The following ULK4 variants were observed in gnomAD, a reference collection of about 807,000 sequenced individuals.
ULK4 encodes unc-51 like kinase 4.
A neutral mutation model predicts 160.6 loss-of-function variants in ULK4; 133 were observed. The observed-to-expected ratio is 0.83, with a 90% CI of 0.72 to 0.96. ULK4 has a LOEUF of 0.96. Ranked by LOEUF, ULK4 falls within the 40% of genes least tolerant of loss-of-function variation. The pLI is 0.00. For missense variants in ULK4, 1,580 were observed against 1,499.5 expected (o/e 1.05, Z -0.89); for synonymous variants, 534 against 539.8 (o/e 0.99, Z 0.15).
At chr3:41,873,100 CA>C (rs1697162252) in intron 17 of ULK4, among the ~76,000 whole-genome samples, 2 of 152,070 alleles carry the variant, frequency 1.3e-5, no homozygotes, top group Non-Finnish European at 2.9e-5. Flanking sequence ...TGCAGTGAGC[CA>C]AGATCACGCC....
At chr3:41,856,495 T>A (rs1247760331) in intron 17 of ULK4, among the ~76,000 whole-genome samples, 1 of 119,654 alleles carries the variant, frequency 8.4e-6, no homozygotes, top group Non-Finnish European at 1.7e-5. Context: ...GAGGACACAT[T>A]AATAAATAAA....
chr3:41,582,220 C>A (rs1262924681), intron 31 of ULK4, among the ~76,000 whole-genome samples: 2 of 152,100 alleles, frequency 1.3e-5, no homozygotes, highest in African/African-American at 4.8e-5. Context: ...ATTCTCCCTT[C>A]TCTGCTGTTA....
At chr3:41,761,917 A>AAATAAT (rs1234870904) in intron 21 of ULK4, among the ~76,000 whole-genome samples, 1 of 151,810 alleles carries the variant, frequency 6.6e-6, no homozygotes, top group Non-Finnish European at 1.5e-5. Context: ...CTCTACTTAA[A>AAATAAT]AATAATAATA....
chr3:41,332,436 T>G (rs1242253433), intron 35 of ULK4, among the ~76,000 whole-genome samples: 1 of 152,210 alleles, frequency 6.6e-6, no homozygotes, highest in African/African-American at 2.4e-5. Flanking sequence ...GATGATATTT[T>G]CAGCTTCCCA....
intron 34 of ULK4, among the ~76,000 whole-genome samples, chr3:41,429,226 C>A (rs1386456040): frequency 6.6e-6 from 1 of 151,964 alleles, no homozygotes; most frequent in African/African-American, 2.4e-5. Flanking sequence ...GTTGAAATGG[C>A]AATTATTAAA....
intron 21 of ULK4, among the ~76,000 whole-genome samples, chr3:41,772,271 G>T (rs2039416307): frequency 1.3e-5 from 2 of 152,116 alleles, no homozygotes; most frequent in African/African-American, 2.4e-5. Flanking sequence ...AAAAATCAAT[G>T]AATCCAGGAG....
chr3:41,317,479 AATG>A (rs1048371961), intron 35 of ULK4, among the ~76,000 whole-genome samples: 15 of 152,238 alleles, frequency 9.9e-5, no homozygotes, highest in Middle Eastern at 3.4e-3. Context: ...GATTATTGAT[AATG>A]ATATTATTGA....
In ULK4 at chr3:41,615,728, CAAG is replaced by C. The variant is rs748283240; in HGVS notation, c.3072-14_3072-12del. 7 of 1,610,114 alleles carry C rather than the reference CAAG, an allele frequency of 4.3e-6. No individual in the cohort carries two copies. On this transcript the variant is annotated splice_polypyrimidine_tract_variant and intron_variant, in intron 30 of 36. Transcript: ENST00000301831. ...CTTTCTTCCACAAGTCTGTTAAAAACAAGAAAAAAAGATAAGTGCACATTAGAC... is the reference window on the plus strand; with the variant it reads ...CTTTCTTCCACAAGTCTGTTAAAAACAAAAAAAGATAAGTGCACATTAGAC...
At chr3:41,765,674 A>C (rs2039138577) in intron 21 of ULK4, among the ~76,000 whole-genome samples, 1 of 152,196 alleles carries the variant, frequency 6.6e-6, no homozygotes, top group African/African-American at 2.4e-5. Context: ...TGATATCCTT[A>C]CTTTATTTCT....
chr3:41,488,662 T>C (rs761542369), intron 32 of ULK4, among the ~76,000 whole-genome samples: 1 of 152,226 alleles, frequency 6.6e-6, no homozygotes, highest in Non-Finnish European at 1.5e-5. Context: ...AAGGCTCCTA[T>C]ACAGGGTTCA....
intron 19 of ULK4, among the ~76,000 whole-genome samples, chr3:41,812,123 A>G (rs1233804315): frequency 6.6e-6 from 1 of 152,100 alleles, no homozygotes; most frequent in African/African-American, 2.4e-5. Context: ...CATCTCTACA[A>G]AAAAATACAA....
chr3:41,930,733 GA>G (rs1195601126), intron 5 of ULK4, among the ~76,000 whole-genome samples: 1 of 152,024 alleles, frequency 6.6e-6, no homozygotes, highest in Non-Finnish European at 1.5e-5. Context: ...ACAAACATAT[GA>G]AAAAAAGCTC....
At chr3:41,531,723 A>G (rs1368239149) in intron 32 of ULK4, among the ~76,000 whole-genome samples, 4 of 152,208 alleles carry the variant, frequency 2.6e-5, no homozygotes. Flanking sequence ...AAGTAGTTTC[A>G]AAGAGGAAAA....
At chr3:41,882,284 G>C in intron 17 of ULK4, 1 of 702,994 alleles carries the variant, frequency 1.4e-6, no homozygotes. Context: ...TTGTAGTCTA[G>C]TGTGGAAAGA....
chr3:41,574,992 T>C (rs2088137683), intron 31 of ULK4, among the ~76,000 whole-genome samples: 1 of 152,166 alleles, frequency 6.6e-6, no homozygotes, highest in Admixed American at 6.5e-5. Flanking sequence ...ACAGCCCTGG[T>C]TGGATTTAAA....
In ULK4 at chr3:41,911,667, T is replaced by G. The variant is rs756679562; in HGVS notation, c.897-8A>C. 1.9e-6 allele frequency: 3 copies of G among 1,599,438 alleles called. No individual in the cohort carries two copies. Among genetic ancestry groups the G allele is most frequent in the East Asian group, 4.5e-5 (2 of 44,822 alleles). On this transcript the variant is annotated splice_polypyrimidine_tract_variant and splice_region_variant and intron_variant, in intron 9 of 36. Transcript: ENST00000301831. ...CACTCCATAGTGTTTCTGCTATTATTGGAGAAAACCAACACAATCAAACTT... is the reference window on the plus strand; with the variant it reads ...CACTCCATAGTGTTTCTGCTATTATGGGAGAAAACCAACACAATCAAACTT...
At chr3:41,648,198 T>G (rs933166904) in intron 30 of ULK4, among the ~76,000 whole-genome samples, 29 of 152,112 alleles carry the variant, frequency 1.9e-4, no homozygotes, top group African/African-American at 7.0e-4. Flanking sequence ...AGTGCGCTGC[T>G]CCCACTGTCC....
intron 34 of ULK4, among the ~76,000 whole-genome samples, chr3:41,432,206 C>A (rs1027757533): frequency 6.6e-6 from 1 of 152,116 alleles, no homozygotes; most frequent in Admixed American, 6.5e-5. Flanking sequence ...AAGACCAGTA[C>A]TGACAAAGTA....
chr3:41,884,248 G>C (rs1697635372), intron 16 of ULK4, among the ~76,000 whole-genome samples: 1 of 152,138 alleles, frequency 6.6e-6, no homozygotes, highest in Non-Finnish European at 1.5e-5. Flanking sequence ...TCTTTAACCA[G>C]AGAAAAGAGC....
Sources: gnomAD v4.1 joint callset for allele counts (sites outside exome capture counted in the v4.1 genomes callset) on GRCh38, gnomAD v4.1.1 for gene constraint, MANE v1.5 for transcripts, NCBI Gene and HGNC (gene_info 2026-07-23, HGNC 2026-07-21) for gene names.